NEMP2: variants seen among roughly 807,000 people sequenced by gnomAD.
The protein encoded by NEMP2 is nuclear envelope integral membrane protein 2, also known as UPF0571 transmembrane protein.
In NEMP2, 53 loss-of-function variants were observed where a neutral mutation model predicts 54.2. The observed-to-expected ratio is 0.98, with a 90% confidence interval of 0.78 to 1.23. The LOEUF (loss-of-function observed/expected upper bound fraction) is 1.23, where lower values mean the gene tolerates loss of function less well. Ranked by LOEUF, NEMP2 falls within the 50% of genes most tolerant of loss-of-function variation. The pLI, the probability that NEMP2 is intolerant of heterozygous loss-of-function variation, is 0.00. For missense variants in NEMP2, 455 were observed against 511.3 expected (o/e 0.89, Z 1.06); for synonymous variants, 197 against 190.3 (o/e 1.04, Z -0.29).
the NEMP2 span, among the ~76,000 whole-genome samples, chr2:190,623,189 T>C: frequency 6.6e-6 from 1 of 151,868 alleles, no homozygotes; most frequent in Non-Finnish European, 1.5e-5. Flanking sequence ...AAGGGAAAAA[T>C]GTTCCATGCT....
the NEMP2 span, among the ~76,000 whole-genome samples, chr2:190,482,868 CTTTTTTTTTTTTTTTTTT>C: frequency 1.9e-4 from 9 of 48,292 alleles, no homozygotes; most frequent in Middle Eastern, 0.018. Context: ...AGACTATCAT[CTTTTTTTTTTTTTTTTTT>C]TTTTTTTTTT....
chr2:190,554,632 T>C, the NEMP2 span, among the ~76,000 whole-genome samples: 2 of 152,070 alleles, frequency 1.3e-5, no homozygotes, highest in Non-Finnish European at 2.9e-5. This position sits in a 1 kb window ranked among gnomAD's most constrained non-coding sequence, Gnocchi z 5.7. Context: ...GCAGGGCATC[T>C]CTGAAAAAAA....
rs1356511026 is a variant in NEMP2, at chr2:190,534,588, C to T, written c.68G>A (p.Arg23His). The change falls in exon 1 of 9, where the codon CGC becomes CAC. Residue 23 changes from arginine (R) to histidine (H), a missense_variant. Coordinates refer to ENST00000409150, the MANE Select transcript of NEMP2 (RefSeq NM_001142645.2). ...TAACGCTGCCGCCGCCGCCTCCCCG[C>T]GCACGGGCAGTGTGGCCAGGGGCGG... ...WLPPLATLPV[R>H]GEAAAAALSV... The T allele has an allele frequency of 1.4e-6, 2 of 1,397,156 alleles. No homozygotes were observed. Among genetic ancestry groups the T allele is most frequent in the South Asian group, 1.6e-5 (1 of 64,452 alleles). 86.5% of individuals were successfully genotyped at this position (1,397,156 alleles called of 1,614,324 possible).
chr2:190,600,950 G>A, the NEMP2 span, among the ~76,000 whole-genome samples: 2 of 152,126 alleles, frequency 1.3e-5, no homozygotes, highest in East Asian at 1.9e-4. This position sits in a 1 kb window ranked among gnomAD's most constrained non-coding sequence, Gnocchi z 4.9. Context: ...CACAGTGCTA[G>A]TACCTTCCTG....
At chr2:190,611,082 A>G in the NEMP2 span, 1 of 152,334 alleles carries the variant, frequency 6.6e-6, no homozygotes, top group East Asian at 1.9e-4. This position sits in a 1 kb window ranked among gnomAD's most constrained non-coding sequence, Gnocchi z 5.4. Flanking sequence ...ACAATTGATT[A>G]TGGATGACAA....
chr2:190,534,595 G>GC lies in NEMP2; in HGVS notation c.60dup (p.Pro21AlafsTer15). 1 of 1,396,126 alleles carries GC rather than the reference G, an allele frequency of 7.2e-7. No individual in the cohort carries two copies. The highest frequency in any genetic ancestry group is 9.3e-7 in the Non-Finnish European group (1 of 1,080,308). The allele number at this position is 1,396,126 out of a possible 1,614,324, so 86.5% of individuals were successfully genotyped here. A position where few individuals can be genotyped will look rare whatever the true frequency, so the allele number is the denominator to read the frequency against. Reference sequence around the variant, plus strand: ...GCCGCCGCCGCCTCCCCGCGCACGGGCAGTGTGGCCAGGGGCGGCAGCCAG... The same window carrying GC: ...GCCGCCGCCGCCTCCCCGCGCACGGGCCAGTGTGGCCAGGGGCGGCAGCCAG... On this transcript the variant is annotated frameshift_variant, in exon 1 of 9. Coordinates refer to ENST00000409150, the MANE Select transcript of NEMP2 (RefSeq NM_001142645.2). LOFTEE classifies it high-confidence loss of function.
chr2:190,525,252 T>C lies in NEMP2; in HGVS notation c.213+11A>G. 7.0e-7 allele frequency: 1 copy of C among 1,424,396 alleles called. No individual in the cohort carries two copies. The highest frequency in any genetic ancestry group is 9.7e-7 in the Non-Finnish European group (1 of 1,033,408). The allele number at this position is 1,424,396 out of a possible 1,614,324, so 88.2% of individuals were successfully genotyped here. On this transcript the variant is annotated intron_variant, in intron 2 of 8. Coordinates refer to ENST00000409150, the MANE Select transcript of NEMP2 (RefSeq NM_001142645.2). The surrounding 1 kb of genome is among the most constrained non-coding windows in gnomAD (Gnocchi z 5.0). ...CTGTCCCTAAGACATGAGTTAAAAG[T>C]AGGCCCTTACCTGCATAGTTGACCA... is the stretch of plus-strand genomic sequence containing the variant.
At chr2:190,532,485 G>C (rs1289869442) in intron 1 of NEMP2, among the ~76,000 whole-genome samples, 1 of 152,152 alleles carries the variant, frequency 6.6e-6, no homozygotes, top group Non-Finnish European at 1.5e-5. Flanking sequence ...GGTTTCTAGG[G>C]ACCTCACTAA....
At chr2:190,572,992 G>A in the NEMP2 span, among the ~76,000 whole-genome samples, 1 of 151,124 alleles carries the variant, frequency 6.6e-6, no homozygotes, top group Non-Finnish European at 1.5e-5. Flanking sequence ...TTCCAAATTG[G>A]TTTCTGAGAA....
the NEMP2 span, among the ~76,000 whole-genome samples, chr2:190,455,938 T>TTTTTA: frequency 2.4e-5 from 3 of 124,500 alleles, no homozygotes; most frequent in African/African-American, 9.0e-5. Context: ...ACTCTGCTTT[T>TTTTTA]TTTTTTTTTT....
chr2:190,546,910 T>C, the NEMP2 span, among the ~76,000 whole-genome samples: 4 of 152,356 alleles, frequency 2.6e-5, no homozygotes, highest in East Asian at 7.7e-4. This position sits in a 1 kb window ranked among gnomAD's most constrained non-coding sequence, Gnocchi z 5.1. Flanking sequence ...TTTCAGCTTC[T>C]TTCCACCACT....
At chr2:190,475,432 C>T in the NEMP2 span, among the ~76,000 whole-genome samples, 6 of 148,796 alleles carry the variant, frequency 4.0e-5, no homozygotes, top group South Asian at 1.3e-3. Flanking sequence ...CAGCCAAACA[C>T]CCAAATCATG....
At chr2:190,467,762 A>G in the NEMP2 span, among the ~76,000 whole-genome samples, 14 of 152,328 alleles carry the variant, frequency 9.2e-5, 2 homozygotes, top group African/African-American at 3.1e-4. The surrounding 1 kb of genome is among the most constrained non-coding windows in gnomAD (Gnocchi z 5.5). Context: ...AAACACAAGA[A>G]GAATAAGATT....
chr2:190,637,905 A>G, the NEMP2 span, among the ~76,000 whole-genome samples: 1 of 152,258 alleles, frequency 6.6e-6, no homozygotes, highest in Non-Finnish European at 1.5e-5. This position sits in a 1 kb window ranked among gnomAD's most constrained non-coding sequence, Gnocchi z 4.5. Context: ...TAAACATCTT[A>G]GGAAAAGTAG....
the NEMP2 span, among the ~76,000 whole-genome samples, chr2:190,617,401 A>C: frequency 6.6e-6 from 1 of 152,172 alleles, no homozygotes. This position sits in a 1 kb window ranked among gnomAD's most constrained non-coding sequence, Gnocchi z 5.0. Flanking sequence ...TGGAGGAACA[A>C]AAGTTGGATT....
At chr2:190,577,866 C>T in the NEMP2 span, among the ~76,000 whole-genome samples, 1 of 152,044 alleles carries the variant, frequency 6.6e-6, no homozygotes, top group Non-Finnish European at 1.5e-5. This position sits in a 1 kb window ranked among gnomAD's most constrained non-coding sequence, Gnocchi z 4.8. Context: ...GAGTGAGACT[C>T]CATCTTAAAA....
chr2:190,465,506 C>G, the NEMP2 span, among the ~76,000 whole-genome samples: 17 of 151,682 alleles, frequency 1.1e-4, no homozygotes, highest in Non-Finnish European at 2.2e-4. The surrounding 1 kb of genome is among the most constrained non-coding windows in gnomAD (Gnocchi z 4.6). Context: ...TATGTATAAT[C>G]TTATGTAAAA....
At chr2:190,534,531 C>CGCGCCG (rs966215959) in intron 1 of NEMP2, 28 bp downstream of exon 1, 9 of 1,380,038 alleles carry the variant, frequency 6.5e-6, no homozygotes, top group Non-Finnish European at 8.4e-6. Flanking sequence ...CACGCACGCG[C>CGCGCCG]GCGCCGCCGC....
chr2:190,458,560 C>T, the NEMP2 span, among the ~76,000 whole-genome samples: 1 of 152,162 alleles, frequency 6.6e-6, no homozygotes, highest in Admixed American at 6.5e-5. The surrounding 1 kb of genome is among the most constrained non-coding windows in gnomAD (Gnocchi z 5.3). Flanking sequence ...CTAATACAGT[C>T]CTGTAGGCCT....
Sources: gnomAD v4.1 joint callset for allele counts (sites outside exome capture counted in the v4.1 genomes callset) on GRCh38, gnomAD v4.1.1 for gene constraint, Gnocchi (gnomAD v3.1) non-coding constraint, MANE v1.5 for transcripts, NCBI Gene and HGNC (gene_info 2026-07-23, HGNC 2026-07-21) for gene names.